Variants in REG3A observed in about 807,000 individuals in gnomAD.
The protein encoded by REG3A is regenerating islet-derived protein 3-alpha.
REG3A carries 15 observed loss-of-function variants against 20.5 expected under a neutral mutation model. The observed-to-expected ratio is 0.73, with a 90% confidence interval of 0.49 to 1.12. The LOEUF (loss-of-function observed/expected upper bound fraction) is 1.12. Among genes scored for constraint, REG3A ranks in the 50% most tolerant of loss-of-function variants. The pLI, the probability that REG3A is intolerant of heterozygous loss-of-function variation, is 0.00. For synonymous variants in REG3A, 93 were observed against 83.2 expected (o/e 1.12, Z -0.64); for missense variants, 224 against 213.1 (o/e 1.05, Z -0.32).
Position 79,157,610 on chromosome 2 carries a change from G to C in REG3A, c.422C>G (p.Ser141Ter), listed in dbSNP as rs746501690. 103 of 1,614,048 alleles carry C rather than the reference G, an allele frequency of 6.4e-5. No individual in the cohort carries two copies. The highest frequency in any genetic ancestry group is 7.7e-5 in the Non-Finnish European group (91 of 1,180,022). Residue 141 changes from serine (S) to a stop codon, truncating the protein, a stop_gained, in exon 5 of 6, where the codon TCA becomes TGA. Coordinates refer to ENST00000305165, the MANE Select transcript of REG3A (RefSeq NM_002580.3). LOFTEE classifies it low-confidence loss of function (END_TRUNC). ...FAWERNPSTI[S>*]SPGHCASLSR... ...CAGGCTCGCACAGTGGCCGGGGCTT[G>C]AGATGGTGGAGGGATTTCTCTCCCA...
intron 3 of REG3A, 43 bp from the exon 4 acceptor site, chr2:79,158,506 C>A (rs1461118821): frequency 1.2e-6 from 2 of 1,612,276 alleles, no homozygotes; most frequent in Non-Finnish European, 1.7e-6. Context: ...CTGAGACCTG[C>A]TGAGGGAGGG....
rs756791996 is a variant in REG3A, at chr2:79,158,244, G to A, written c.333+82C>T. The A allele has an allele frequency of 8.0e-6, 12 of 1,496,072 alleles. No individual in the cohort carries two copies. In the Admixed American group the frequency reaches 1.4e-4, roughly 17 times the overall value. The allele number at this position is 1,496,072 out of a possible 1,614,324, so 92.7% of individuals were successfully genotyped here. On this transcript the variant is annotated intron_variant, in intron 4 of 5. Coordinates refer to ENST00000305165, the MANE Select transcript of REG3A (RefSeq NM_002580.3). Reference sequence around the variant, plus strand: ...TCCAGTGCTCCCTGAAGTACTTCCTGGGCAGGCACAGGGGACAGGGAGTGG... The same window carrying A: ...TCCAGTGCTCCCTGAAGTACTTCCTAGGCAGGCACAGGGGACAGGGAGTGG...
chr2:79,157,925 T>G (rs1328629278), intron 4 of REG3A, among the ~76,000 whole-genome samples: 1 of 152,192 alleles, frequency 6.6e-6, no homozygotes. Context: ...ATATATTATT[T>G]GCAGAACAAT....
rs775928429 is a variant in REG3A at position 79,158,764 on chromosome 2, C to G, written c.82G>C (p.Glu28Gln). The part of the protein sequence containing the change: ...LMLLSQVQGE[E>Q]PQRELPSARI... Reference sequence around the variant, plus strand: ...GCAGAGGGCAGTTCCCTCTGGGGTTCTTCACCTGAGGTGGAAGAAGAGGGG... The same window carrying G: ...GCAGAGGGCAGTTCCCTCTGGGGTTGTTCACCTGAGGTGGAAGAAGAGGGG... Residue 28 changes from glutamate to glutamine, a missense_variant, in exon 3 of 6, where the codon GAA becomes CAA. Glu to Gln is a conservative substitution (Grantham distance 29, BLOSUM62 2). Transcript: ENST00000305165. The G allele has an allele frequency of 1.2e-6, 2 of 1,612,736 alleles. No individual in the cohort carries two copies. The highest frequency in any genetic ancestry group is 1.7e-6 in the Non-Finnish European group (2 of 1,179,176).
rs1365209742 is a variant in REG3A, at chr2:79,157,587, G to A, written c.445C>T (p.Leu149=). 1.2e-6 allele frequency: 2 copies of A among 1,614,070 alleles called. No homozygotes were observed. The highest frequency in any genetic ancestry group is 1.7e-5 in the Admixed American group (1 of 60,016). The change falls in exon 5 of 6, where the codon CTG becomes TTG. Residue 149 remains leucine (L), a synonymous_variant. Coordinates refer to ENST00000305165, the MANE Select transcript of REG3A (RefSeq NM_002580.3). ...TISSPGHCAS[L]SRSTAFLRWK... Reference sequence around the variant, plus strand: ...TGTTTCTTACCTGTGCTTCTCGACAGGCTCGCACAGTGGCCGGGGCTTGAG... The same window carrying A: ...TGTTTCTTACCTGTGCTTCTCGACAAGCTCGCACAGTGGCCGGGGCTTGAG...
chr2:79,159,676 T>C, intron 1 of REG3A, 52 bp downstream of exon 1: 1 of 431,520 alleles, frequency 2.3e-6, no homozygotes, highest in South Asian at 3.1e-5. Flanking sequence ...TTCTCCTGTG[T>C]CATGTGCAGT....
At chr2:79,157,916 T>C (rs1168493522) in intron 4 of REG3A, among the ~76,000 whole-genome samples, 3 of 152,210 alleles carry the variant, frequency 2.0e-5, no homozygotes, top group Non-Finnish European at 2.9e-5. Flanking sequence ...CTCAAGGTAA[T>C]ATATTATTTG....
At chr2:79,159,195 A>G in intron 2 of REG3A, 135 bp downstream of exon 2, 2 of 874,798 alleles carry the variant, frequency 2.3e-6, no homozygotes, top group Non-Finnish European at 3.7e-6. Context: ...TGAAGGAAGG[A>G]GAGATGATGC....
Position 79,158,365 on chromosome 2 carries a change from G to C in REG3A, c.294C>G (p.Ser98Arg), listed in dbSNP as rs745928990. 3.1e-6 allele frequency: 5 copies of C among 1,614,144 alleles called. No individual in the cohort carries two copies. The Middle Eastern group carries it at 8.2e-4, about 266-fold the overall frequency. Residue 98 changes from serine (S) to arginine (R), a missense_variant, in exon 4 of 6, where the codon AGC becomes AGG. By Grantham distance (110) the Ser-to-Arg change is moderately radical (BLOSUM62 -1). Coordinates refer to ENST00000305165, the MANE Select transcript of REG3A (RefSeq NM_002580.3). ...VSSLVKSIGN[S>R]YSYVWIGLHD... ...GGAGCCCAATCCAGACGTATGAGTA[G>C]CTGTTACCAATGCTCTTCACCAGGG...
rs753374073 is a variant in REG3A at position 79,158,422 on chromosome 2, C to A, written c.237G>T (p.Val79=). ...CGAAGGATCCCTCAGCCCCACTGAG[C>A]ACAGACACCAGGTTTCCAGAGGGCC... is the stretch of plus-strand genomic sequence containing the variant. The part of the protein sequence containing the change: ...QKRPSGNLVS[V]LSGAEGSFVS... Residue 79 remains valine, a synonymous_variant, in exon 4 of 6, where the codon GTG becomes GTT. Coordinates refer to ENST00000305165, the MANE Select transcript of REG3A (RefSeq NM_002580.3). 21 of 1,614,204 alleles carry A rather than the reference C, an allele frequency of 1.3e-5. No individual in the cohort carries two copies. The South Asian group carries it at 1.8e-4, about 14-fold the overall frequency.
intron 4 of REG3A, among the ~76,000 whole-genome samples, chr2:79,158,112 G>A (rs751577560): frequency 6.6e-6 from 1 of 152,110 alleles, no homozygotes; most frequent in Non-Finnish European, 1.5e-5. Context: ...ATACGCCTGA[G>A]GAAGGCAGAT....
rs986282413 is a variant in REG3A, at chr2:79,159,245, C to T, written c.76+85G>A. 2.4e-5 allele frequency: 34 copies of T among 1,411,648 alleles called. No homozygotes were observed. In the African/African-American group the frequency reaches 3.3e-4, roughly 14 times the overall value. 87.4% of individuals were successfully genotyped at this position (1,411,648 alleles called of 1,614,324 possible). ...GGTTCATTAGACACCACGTCATTAC[C>T]TCACATGACACACAGGAGCCTTCCT... On this transcript the variant is annotated intron_variant, in intron 2 of 5. Transcript: ENST00000305165.
chr2:79,157,475 T>G (rs1232380452), intron 5 of REG3A, 97 bp downstream of exon 5: 1 of 1,542,232 alleles, frequency 6.5e-7, no homozygotes, highest in African/African-American at 1.4e-5. Flanking sequence ...ACACTAACAT[T>G]GTATTTTCTA....
At chr2:79,157,795 G>A (rs1460920019) in intron 4 of REG3A, 97 bp from the exon 5 acceptor site, 9 of 1,490,920 alleles carry the variant, frequency 6.0e-6, no homozygotes, top group South Asian at 2.7e-5. Flanking sequence ...TCCCCAGCAT[G>A]AGGAAAGTTG....
chr2:79,158,844 T>G (rs983618707), intron 2 of REG3A, 75 bp from the exon 3 acceptor site: 15 of 1,159,310 alleles, frequency 1.3e-5, no homozygotes, highest in Non-Finnish European at 1.9e-5. Flanking sequence ...GGGGAATACC[T>G]AGGAATGTCC....
At chr2:79,157,497 T>C in intron 5 of REG3A, 75 bp downstream of exon 5, 1 of 1,571,950 alleles carries the variant, frequency 6.4e-7, no homozygotes, top group East Asian at 2.2e-5. Context: ...CTCAGGAAGA[T>C]TTCCTGAAGG....
intron 1 of REG3A, 36 bp from the exon 2 acceptor site, chr2:79,159,475 T>C: frequency 2.1e-6 from 3 of 1,451,424 alleles, no homozygotes; most frequent in South Asian, 1.1e-5. Context: ...AACACACAGA[T>C]ACCCCACTGC....
Position 79,157,064 on chromosome 2 carries a change from A to G in REG3A, c.*162T>C, listed in dbSNP as rs1241672410. 1 of 641,040 alleles carries G rather than the reference A, an allele frequency of 1.6e-6. No individual in the cohort carries two copies. Among genetic ancestry groups the G allele is most frequent in the Non-Finnish European group, 2.8e-6 (1 of 362,570 alleles). The allele number at this position is 641,040 out of a possible 1,614,324, so 39.7% of individuals were successfully genotyped here. A position where few individuals can be genotyped will look rare whatever the true frequency, so the allele number is the denominator to read the frequency against. Reference sequence around the variant, plus strand: ...TTAGGCCGTATGACAAAATGAAGAGACTGAAATGACAGCGGGGAGGAAGAA... The same window carrying G: ...TTAGGCCGTATGACAAAATGAAGAGGCTGAAATGACAGCGGGGAGGAAGAA... On this transcript the variant is annotated 3_prime_UTR_variant, in exon 6 of 6. Transcript: ENST00000305165.
intron 4 of REG3A, 128 bp downstream of exon 4, chr2:79,158,198 A>G (rs371592662): frequency 7.1e-6 from 8 of 1,133,448 alleles, no homozygotes; most frequent in Admixed American, 2.6e-5. Context: ...TTTCCCCCCA[A>G]ATATTCCCCA....
Sources: allele counts gnomAD v4.1 joint callset (sites outside exome capture counted in the v4.1 genomes callset), GRCh38; gene constraint gnomAD v4.1.1; transcripts MANE v1.5; gene names NCBI Gene and HGNC (gene_info 2026-07-23, HGNC 2026-07-21).